Variants in LDLRAP1 observed in about 807,000 individuals in gnomAD.
LDLRAP1 encodes low density lipoprotein receptor adapter protein 1.
A neutral mutation model predicts 37.8 loss-of-function variants in LDLRAP1; 30 were observed. The observed-to-expected ratio is 0.79, with a 90% CI of 0.59 to 1.08. The LOEUF (loss-of-function observed/expected upper bound fraction) is 1.08. Ranked by LOEUF, LDLRAP1 falls within the 50% of genes least tolerant of loss-of-function variation. The probability of loss-of-function intolerance (pLI) is 0.00; values close to 1 mark genes in which losing one functional copy is unlikely to be tolerated. For synonymous variants in LDLRAP1, 156 were observed against 169.8 expected, an observed-to-expected ratio of 0.92 and a Z score of 0.63; for missense variants, 375 against 401.6, an observed-to-expected ratio of 0.93 and a Z score of 0.57.
chr1:25,563,147 A>G lies in LDLRAP1; in HGVS notation c.610A>G (p.Lys204Glu), dbSNP rs1431594819. Residue 204 changes from lysine to glutamate, a missense_variant, in exon 6 of 9, where the codon AAG becomes GAG. Transcript: ENST00000374338. ...CCGCCAAGACTGCACCCCCTCCTTG[A>G]AGAGCTGTGAGTCCTGACGGGGAAG... is the stretch of plus-strand genomic sequence containing the variant. ...GARQDCTPSL[K>E]SLVATGNLLD... 2 of 1,613,950 alleles carry G rather than the reference A, an allele frequency of 1.2e-6. No homozygotes were observed. Among genetic ancestry groups the G allele is most frequent in the Non-Finnish European group, 1.7e-6 (2 of 1,179,872 alleles).
intron 8 of LDLRAP1, among the ~76,000 whole-genome samples, chr1:25,566,470 G>A (rs768879357): frequency 2.6e-5 from 4 of 152,098 alleles, no homozygotes; most frequent in African/African-American, 4.8e-5. Context: ...CGAACAGCAC[G>A]GTGTTGACAC....
intron 8 of LDLRAP1, 96 bp downstream of exon 8, chr1:25,565,303 C>G (rs75504912): frequency 7.4e-7 from 1 of 1,352,142 alleles, no homozygotes; most frequent in African/African-American, 1.4e-5. Flanking sequence ...ATTAAGAACA[C>G]AAGCCACTCA....
chr1:25,554,081 G>T lies in LDLRAP1; in HGVS notation c.231+17G>T. 6.2e-7 allele frequency: 1 copy of T among 1,613,090 alleles called. No individual in the cohort carries two copies. The highest frequency in any genetic ancestry group is 1.1e-5 in the South Asian group (1 of 91,080). Reference sequence around the variant, plus strand: ...GTGGCTACAGTGAGCACCCCAGTCAGGAAGGGTGGGGGAACCAGGGACCAA... The same window carrying T: ...GTGGCTACAGTGAGCACCCCAGTCATGAAGGGTGGGGGAACCAGGGACCAA... On this transcript the variant is annotated intron_variant, in intron 2 of 8. Coordinates refer to ENST00000374338, the MANE Select transcript of LDLRAP1 (RefSeq NM_015627.3). The surrounding 1 kb of genome is among the most constrained non-coding windows in gnomAD (Gnocchi z 5.4).
In LDLRAP1 at chr1:25,552,930, A is replaced by G. The variant is rs374892635; in HGVS notation, c.89-992A>G. Among the ~76,000 whole-genome samples, 14 of 151,926 alleles carry G rather than the reference A, an allele frequency of 9.2e-5. No individual in the cohort carries two copies. In the Middle Eastern group the frequency reaches 0.01, roughly 111 times the overall value. On this transcript the variant is annotated intron_variant, in intron 1 of 8. Transcript: ENST00000374338. ...CATTGTCACAGCCCAGAGAGGGGGG[A>G]ATGTTAGTCCCAAAGAGGAGAGGGG...
At chr1:25,573,683 G>A (rs1370172781), downstream of LDLRAP1, among the ~76,000 whole-genome samples, 1 of 152,204 alleles carries the variant, frequency 6.6e-6, no homozygotes, top group Non-Finnish European at 1.5e-5. Context: ...CGGGAGCTAT[G>A]CCGAGGCTTT....
chr1:25,557,110 G>C (rs752617116), intron 3 of LDLRAP1, 43 bp from the exon 4 acceptor site: 4 of 1,464,856 alleles, frequency 2.7e-6, no homozygotes, highest in Non-Finnish European at 3.8e-6. Flanking sequence ...ATGTGCTCAG[G>C]CCCCTGTGCC....
At chr1:25,545,660 C>G (rs1035748193) in intron 1 of LDLRAP1, among the ~76,000 whole-genome samples, 1 of 152,132 alleles carries the variant, frequency 6.6e-6, no homozygotes, top group Non-Finnish European at 1.5e-5. Context: ...CCCTGGTAAG[C>G]CCAAAGTGCT....
chr1:25,577,660 G>A, the LDLRAP1 span, among the ~76,000 whole-genome samples: 2 of 152,204 alleles, frequency 1.3e-5, no homozygotes, highest in African/African-American at 2.4e-5. Flanking sequence ...GAGGGAAGGC[G>A]GAGCATTTGA....
intron 1 of LDLRAP1, 144 bp from the exon 2 acceptor site, chr1:25,553,770 CAAAAAAAA>C: frequency 1.7e-6 from 1 of 600,018 alleles, no homozygotes; most frequent in African/African-American, 2.6e-5. Flanking sequence ...AACTCAGTCT[CAAAAAAAA>C]AAAAAAAAAA....
intron 3 of LDLRAP1, 147 bp from the exon 4 acceptor site, chr1:25,557,006 G>A: frequency 2.8e-6 from 2 of 721,664 alleles, no homozygotes; most frequent in Non-Finnish European, 5.1e-6. Flanking sequence ...TACCCAGCCT[G>A]GAGGCCAAGG....
intron 4 of LDLRAP1, among the ~76,000 whole-genome samples, chr1:25,561,806 C>G (rs1413037280): frequency 6.6e-6 from 1 of 152,196 alleles, no homozygotes; most frequent in Non-Finnish European, 1.5e-5. Context: ...CTCCCGAGGG[C>G]AGGGGTGTTC....
chr1:25,587,205 G>A, the LDLRAP1 span, among the ~76,000 whole-genome samples: 1 of 152,144 alleles, frequency 6.6e-6, no homozygotes, highest in Non-Finnish European at 1.5e-5. Context: ...AGCCTGGAGT[G>A]TAGTGGTGTG....
intron 1 of LDLRAP1, among the ~76,000 whole-genome samples, chr1:25,547,697 C>T (rs1486682312): frequency 6.6e-6 from 1 of 152,086 alleles, no homozygotes; most frequent in Non-Finnish European, 1.5e-5. Flanking sequence ...GCGCCAGCCT[C>T]AGCATCTCCA....
At chr1:25,588,725 T>G in the LDLRAP1 span, among the ~76,000 whole-genome samples, 1 of 152,176 alleles carries the variant, frequency 6.6e-6, no homozygotes, top group Non-Finnish European at 1.5e-5. Context: ...TTTCTTTCTC[T>G]ATACTTTGTC....
the LDLRAP1 span, among the ~76,000 whole-genome samples, chr1:25,577,243 A>G: frequency 3.3e-5 from 5 of 152,232 alleles, no homozygotes; most frequent in Non-Finnish European, 5.9e-5. Flanking sequence ...AAGGAGGCTG[A>G]TGAACGGAGC....
At chr1:25,569,209 G>A (rs2044566523), downstream of LDLRAP1, among the ~76,000 whole-genome samples, 1 of 152,248 alleles carries the variant, frequency 6.6e-6, no homozygotes, top group African/African-American at 2.4e-5. Flanking sequence ...GCATGAGGTT[G>A]TGTACGTGTC....
Position 25,544,471 on chromosome 1 carries a change from T to G in LDLRAP1, c.88+685T>G, listed in dbSNP as rs577620323. On this transcript the variant is annotated intron_variant, in intron 1 of 8. Coordinates refer to ENST00000374338, the MANE Select transcript of LDLRAP1 (RefSeq NM_015627.3). This position sits in a 1 kb window ranked among gnomAD's most constrained non-coding sequence, Gnocchi z 4.8. The stretch of plus-strand genomic sequence containing the variant: ...TGGCAAGCCTGGCGTCCCGACTATT[T>G]TTGAAACCTGTTTTCTCTCGCACCT... Among the ~76,000 whole-genome samples, 48 of 152,298 alleles carry G rather than the reference T, an allele frequency of 3.2e-4. No individual in the cohort carries two copies. The highest frequency in any genetic ancestry group is 1.2e-3 in the Admixed American group (19 of 15,302).
chr1:25,553,806 G>A, intron 1 of LDLRAP1, 116 bp from the exon 2 acceptor site: 1 of 1,208,212 alleles, frequency 8.3e-7, no homozygotes, highest in African/African-American at 1.5e-5. Context: ...CAGTAGTGGT[G>A]GGGGAGACCC....
chr1:25,574,582 T>G, the LDLRAP1 span, among the ~76,000 whole-genome samples: 6 of 152,174 alleles, frequency 3.9e-5, no homozygotes, highest in African/African-American at 7.2e-5. Context: ...CCTGTGGGTG[T>G]CTGTGGGCCT....
Sources: gnomAD v4.1 joint callset for allele counts (sites outside exome capture counted in the v4.1 genomes callset) on GRCh38, gnomAD v4.1.1 for gene constraint, Gnocchi (gnomAD v3.1) non-coding constraint, MANE v1.5 for transcripts, NCBI Gene and HGNC (gene_info 2026-07-23, HGNC 2026-07-21) for gene names.